Variants in PTPRD observed in about 807,000 individuals in gnomAD.
PTPRD encodes the protein protein tyrosine phosphatase receptor type D, also known as receptor-type tyrosine-protein phosphatase delta.
In PTPRD, 34 loss-of-function variants were observed where a neutral mutation model predicts 214.5. That is an observed-to-expected ratio of 0.16 (90% CI 0.12 to 0.21). PTPRD has a LOEUF of 0.21. Ranked by LOEUF, PTPRD falls within the 10% of genes least tolerant of loss-of-function variation. The pLI, the probability that PTPRD is intolerant of heterozygous loss-of-function variation, is 1.00. For synonymous variants in PTPRD, 1,128 were observed against 845.7 expected, an observed-to-expected ratio of 1.33 and a Z score of -5.79; for missense variants, 2,545 against 2,398.7, an observed-to-expected ratio of 1.06 and a Z score of -1.27.
At chr9:10,460,533 C>A (rs2131265964) in intron 2 of PTPRD, among the ~76,000 whole-genome samples, 1 of 151,844 alleles carries the variant, frequency 6.6e-6, no homozygotes, top group Admixed American at 6.6e-5. Context: ...ATACACAGAC[C>A]AGTGGAAGAG....
At chr9:8,994,026 C>T (rs2099387344) in intron 11 of PTPRD, among the ~76,000 whole-genome samples, 1 of 152,074 alleles carries the variant, frequency 6.6e-6, no homozygotes, top group African/African-American at 2.4e-5. Context: ...TGGAAGGATT[C>T]AGGAAACTTT....
At chr9:9,173,099 C>A (rs1050729519) in intron 10 of PTPRD, among the ~76,000 whole-genome samples, 2 of 152,124 alleles carry the variant, frequency 1.3e-5, no homozygotes, top group Non-Finnish European at 2.9e-5. Context: ...CCTTCTGTTC[C>A]TTGCTTTAGG....
At chr9:8,739,747 T>A (rs1034591898) in intron 11 of PTPRD, among the ~76,000 whole-genome samples, 1 of 152,192 alleles carries the variant, frequency 6.6e-6, no homozygotes, top group African/African-American at 2.4e-5. Context: ...CCAAATCTCA[T>A]CTTGAATTCT....
chr9:9,289,501 T>G (rs77199133), intron 9 of PTPRD, among the ~76,000 whole-genome samples: 4 of 151,786 alleles, frequency 2.6e-5, no homozygotes, highest in Non-Finnish European at 4.4e-5. Flanking sequence ...GTGTGTCTGC[T>G]CTCTTCAAAT....
Position 9,814,998 on chromosome 9 carries a change from G to A in PTPRD, c.-367-48147C>T, listed in dbSNP as rs548357230. Reference sequence around the variant, plus strand: ...TATGGTCTCAAACTCCTGGGCTCAAGTGCTTCACCCACCTCAGCCTCCCAA... The same window carrying A: ...TATGGTCTCAAACTCCTGGGCTCAAATGCTTCACCCACCTCAGCCTCCCAA... On this transcript the variant is annotated intron_variant, in intron 5 of 45. Coordinates refer to ENST00000381196, the MANE Select transcript of PTPRD (RefSeq NM_002839.4). Among the ~76,000 whole-genome samples the A allele has an allele frequency of 6.8e-4, 103 of 151,900 alleles. 1 individual carries two copies. The highest frequency in any genetic ancestry group is 2.4e-3 in the African/African-American group (98 of 41,406).
chr9:9,758,620 T>C (rs931963617), intron 6 of PTPRD, among the ~76,000 whole-genome samples: 2 of 152,026 alleles, frequency 1.3e-5, no homozygotes, highest in Non-Finnish European at 2.9e-5. Context: ...GAGTTACATA[T>C]GGAAGGACTG....
rs1253195188 is a variant in PTPRD at position 8,456,671 on chromosome 9, T to TA, written c.3875+3739_3875+3740insT. Among the ~76,000 whole-genome samples the TA allele has an allele frequency of 4.6e-5, 7 of 152,196 alleles. No individual in the cohort carries two copies. The South Asian group carries it at 6.2e-4, about 14-fold the overall frequency. On this transcript the variant is annotated intron_variant, in intron 33 of 45. Transcript: ENST00000381196. ...AGACACAAAGCTTGCAGAGAGCCAGTGTTGGAGCAGGAAAAGGCTGGAAAA... is the reference window on the plus strand; with the variant it reads ...AGACACAAAGCTTGCAGAGAGCCAGTAGTTGGAGCAGGAAAAGGCTGGAAAA...
At chr9:8,641,896 G>C (rs929105840) in intron 12 of PTPRD, among the ~76,000 whole-genome samples, 1 of 152,158 alleles carries the variant, frequency 6.6e-6, no homozygotes, top group Non-Finnish European at 1.5e-5. Context: ...TGAAGACAAG[G>C]TGATGAGCTC....
chr9:10,152,567 T>C (rs949187490), intron 3 of PTPRD, among the ~76,000 whole-genome samples: 4 of 152,170 alleles, frequency 2.6e-5, no homozygotes, highest in Non-Finnish European at 5.9e-5. Context: ...GGCTCACGCT[T>C]GTAATCCCAG....
chr9:8,704,601 AG>A (rs2154398184), intron 12 of PTPRD, among the ~76,000 whole-genome samples: 2 of 152,290 alleles, frequency 1.3e-5, no homozygotes, highest in African/African-American at 4.8e-5. Context: ...ACACTATCAA[AG>A]CACTGTACAA....
chr9:9,465,793 G>T (rs1247936833), intron 8 of PTPRD, among the ~76,000 whole-genome samples: 4 of 152,052 alleles, frequency 2.6e-5, no homozygotes, highest in Non-Finnish European at 5.9e-5. Context: ...AGGGGTGGGG[G>T]AAGTGGCGAT....
rs1299930550 is a variant in PTPRD at position 9,402,983 on chromosome 9, A to C, written c.-236-5501T>G. The stretch of plus-strand genomic sequence containing the variant: ...AATAGGGAGAAAAAAAAAAAAAAAA[A>C]AAAAAACACCAAAAAAAAATGAGGT... On this transcript the variant is annotated intron_variant, in intron 8 of 45. Transcript: ENST00000381196. Among the ~76,000 whole-genome samples, 13 of 147,460 alleles carry C rather than the reference A, an allele frequency of 8.8e-5. No homozygotes were observed. The East Asian group carries it at 9.8e-4, about 11-fold the overall frequency.
At chr9:8,401,430 G>C (rs1433699057) in intron 36 of PTPRD, among the ~76,000 whole-genome samples, 1 of 152,110 alleles carries the variant, frequency 6.6e-6, no homozygotes, top group Non-Finnish European at 1.5e-5. Context: ...TAAACATAGA[G>C]GGGATGCCAA....
chr9:9,485,896 T>C (rs1000519112), intron 8 of PTPRD, among the ~76,000 whole-genome samples: 3 of 152,046 alleles, frequency 2.0e-5, no homozygotes, highest in Non-Finnish European at 2.9e-5. Flanking sequence ...CTCACGCCTG[T>C]AATCCCAGCA....
intron 6 of PTPRD, among the ~76,000 whole-genome samples, chr9:9,756,739 C>G (rs1484657420): frequency 6.6e-6 from 1 of 152,050 alleles, no homozygotes; most frequent in Non-Finnish European, 1.5e-5. Context: ...AATTTTACCT[C>G]AATAAAAAAA....
At chr9:8,841,594 C>T (rs1316585607) in intron 11 of PTPRD, among the ~76,000 whole-genome samples, 3 of 152,104 alleles carry the variant, frequency 2.0e-5, no homozygotes, top group Non-Finnish European at 2.9e-5. Flanking sequence ...CTGCTTAATA[C>T]ACAAATGTAT....
chr9:8,372,891 T>G (rs1321716458), intron 39 of PTPRD, among the ~76,000 whole-genome samples: 1 of 151,988 alleles, frequency 6.6e-6, no homozygotes, highest in African/African-American at 2.4e-5. Flanking sequence ...CTACCTGACT[T>G]CTTTGAAACC....
In PTPRD at chr9:9,640,048, G is replaced by A. The variant is rs569430653; in HGVS notation, c.-286-65267C>T. ...CCAATAATTTGTTTCCTCTTTCCTT[G>A]GTAACTGAACCTTGATTTCATCTTA... On this transcript the variant is annotated intron_variant, in intron 7 of 45. Transcript: ENST00000381196. Among the ~76,000 whole-genome samples, 233 of 152,230 alleles carry A rather than the reference G, an allele frequency of 1.5e-3. 1 individual carries two copies. The highest frequency in any genetic ancestry group is 2.5e-3 in the Non-Finnish European group (172 of 68,006).
At chr9:9,679,563 T>C (rs960183258) in intron 7 of PTPRD, among the ~76,000 whole-genome samples, 1 of 151,920 alleles carries the variant, frequency 6.6e-6, no homozygotes, top group Non-Finnish European at 1.5e-5. Context: ...TACCGAGGAA[T>C]GCTTTAAACA....
Sources: allele counts gnomAD v4.1 joint callset (sites outside exome capture counted in the v4.1 genomes callset), GRCh38; gene constraint gnomAD v4.1.1; transcripts MANE v1.5; gene names NCBI Gene and HGNC (gene_info 2026-07-23, HGNC 2026-07-21).